PRKDC: variants seen among roughly 807,000 people sequenced by gnomAD.
PRKDC encodes the protein DNA-dependent protein kinase catalytic subunit.
A neutral mutation model predicts 486.9 loss-of-function variants in PRKDC; 82 were observed. That is an observed-to-expected ratio of 0.17 (90% confidence interval 0.14 to 0.20). PRKDC has a LOEUF of 0.20. Ranked by LOEUF, PRKDC falls within the 10% of genes least tolerant of loss-of-function variation. The pLI is 1.00. For missense variants in PRKDC, 4,504 were observed against 5,038.2 expected, an observed-to-expected ratio of 0.89 and a Z score of 3.21; for synonymous variants, 1,895 against 1,837.0, an observed-to-expected ratio of 1.03 and a Z score of -0.81.
At chr8:47,810,047 C>T (rs1268124554) in intron 68 of PRKDC, among the ~76,000 whole-genome samples, 1 of 152,216 alleles carries the variant, frequency 6.6e-6, no homozygotes, top group Admixed American at 6.5e-5. Flanking sequence ...ACCCACCAGG[C>T]TCAGGCTGCC....
At chr8:47,939,789 T>C in intron 10 of PRKDC, 92 bp from the exon 11 acceptor site, 3 of 1,098,460 alleles carry the variant, frequency 2.7e-6, no homozygotes, top group Non-Finnish European at 3.8e-6. Context: ...TAGATGCTAC[T>C]AATGTACTGT....
intron 54 of PRKDC, 121 bp downstream of exon 54, chr8:47,849,033 T>G: frequency 7.7e-7 from 1 of 1,298,276 alleles, no homozygotes; most frequent in Non-Finnish European, 1.1e-6. Flanking sequence ...CTTCAGAGAT[T>G]CCAACTTCAC....
chr8:47,832,185 A>G (rs1373116268), intron 59 of PRKDC, among the ~76,000 whole-genome samples: 1 of 152,150 alleles, frequency 6.6e-6, no homozygotes, highest in Admixed American at 6.5e-5. Flanking sequence ...CCCCCGCCCA[A>G]CTCGCCTGGC....
In PRKDC at chr8:47,777,711, A is replaced by G; in HGVS notation, c.12017T>C (p.Val4006Ala). 1 of 1,593,134 alleles carries G rather than the reference A, an allele frequency of 6.3e-7. No homozygotes were observed. Among genetic ancestry groups the G allele is most frequent in the Non-Finnish European group, 8.6e-7 (1 of 1,165,600 alleles). Residue 4006 changes from valine to alanine, a missense_variant, in exon 84 of 86, where the codon GTC becomes GCC. Transcript: ENST00000314191. ...TTTCCAATCAAAGGAGGGCTCCTTG[A>G]CAAACACATCCATGGTGTTGGTGAG... Reference protein sequence around the residue: ...GLLTNTMDVFVKEPSFDWKNF... With the variant: ...GLLTNTMDVFAKEPSFDWKNF...
At chr8:47,803,158 TCTCTGG>T in intron 70 of PRKDC, 142 bp downstream of exon 70, 1 of 734,058 alleles carries the variant, frequency 1.4e-6, no homozygotes, top group Non-Finnish European at 2.1e-6. Flanking sequence ...AAACTATCAT[TCTCTGG>T]CTCACTTTGC....
chr8:47,934,715 C>T (rs1008033768), intron 14 of PRKDC, among the ~76,000 whole-genome samples: 13 of 152,108 alleles, frequency 8.5e-5, no homozygotes, highest in African/African-American at 2.7e-4. Flanking sequence ...TTTCTGGGAA[C>T]TAAGATATGC....
At chr8:47,945,388 G>A (rs2090515697) in intron 7 of PRKDC, among the ~76,000 whole-genome samples, 1 of 152,126 alleles carries the variant, frequency 6.6e-6, no homozygotes, top group Non-Finnish European at 1.5e-5. Flanking sequence ...ACAGAAGGGT[G>A]CCCATCAAAC....
chr8:47,873,227 C>CAAAAA (rs60385860), intron 40 of PRKDC, among the ~76,000 whole-genome samples: 9 of 71,062 alleles, frequency 1.3e-4, no homozygotes, highest in Non-Finnish European at 2.3e-4. Flanking sequence ...GACTCCATCT[C>CAAAAA]AAAAAAAAAA....
rs982083802 is a variant in PRKDC, at chr8:47,826,771, T to C, written c.8668A>G (p.Ile2890Val). 5 of 1,612,074 alleles carry C rather than the reference T, an allele frequency of 3.1e-6. No individual in the cohort carries two copies. The highest frequency in any genetic ancestry group is 4.2e-6 in the Non-Finnish European group (5 of 1,179,360). Residue 2890 changes from isoleucine (I) to valine (V), a missense_variant, in exon 63 of 86, where the codon ATC becomes GTC. By Grantham distance (29) the Ile-to-Val change is conservative. Coordinates refer to ENST00000314191, the MANE Select transcript of PRKDC (RefSeq NM_006904.7). ...AGCAGAGCCTCCTCTAGCAGGCGGA[T>C]GCCCACGGGCTGCTGTAGGCTGGCC... ...CLASLQQPVG[I>V]RLLEEALLRL...
intron 33 of PRKDC, 126 bp from the exon 34 acceptor site, chr8:47,888,776 A>C: frequency 7.5e-7 from 1 of 1,336,390 alleles, no homozygotes; most frequent in Non-Finnish European, 1.0e-6. Context: ...ATCCACACGC[A>C]CTAAGCTAGC....
rs1450201641 is a variant in PRKDC, at chr8:47,904,884, T to C, written c.3027A>G (p.Leu1009=). Residue 1009 remains leucine (L), a synonymous_variant, in exon 26 of 86, where the codon TTA becomes TTG. Coordinates refer to ENST00000314191, the MANE Select transcript of PRKDC (RefSeq NM_006904.7). ...KKFESQDTVA[L]LEAILDGIVD... ...TATTACTTACCAATATAGCTTCTAG[T>C]AAGGCAACAGTATCCTGACTTTCAA... 1.2e-6 allele frequency: 2 copies of C among 1,605,536 alleles called. No homozygotes were observed. The highest frequency in any genetic ancestry group is 3.3e-5 in the Admixed American group (2 of 59,728).
intron 40 of PRKDC, among the ~76,000 whole-genome samples, chr8:47,870,012 G>A (rs533716760): frequency 8.5e-5 from 13 of 152,236 alleles, no homozygotes; most frequent in Non-Finnish European, 1.6e-4. Flanking sequence ...CAGCTCAACT[G>A]CAGTGGAATA....
chr8:47,860,723 A>C (rs566648673), intron 45 of PRKDC, among the ~76,000 whole-genome samples, 176 bp downstream of exon 45: 1 of 152,262 alleles, frequency 6.6e-6, no homozygotes, highest in African/African-American at 2.4e-5. Flanking sequence ...CTTTCAAAAT[A>C]TAATTCCATT....
intron 54 of PRKDC, among the ~76,000 whole-genome samples, chr8:47,844,706 C>A (rs997471386): frequency 3.3e-5 from 5 of 151,940 alleles, no homozygotes; most frequent in Non-Finnish European, 5.9e-5. Flanking sequence ...GACCACAGTA[C>A]AATAAAAATA....
chr8:47,903,560 C>T (rs2089723767), intron 26 of PRKDC, among the ~76,000 whole-genome samples: 3 of 152,304 alleles, frequency 2.0e-5, no homozygotes, highest in South Asian at 4.1e-4. Context: ...CTTTTCAGAG[C>T]AGAGGTCACC....
chr8:47,947,037 T>C (rs766660008), intron 7 of PRKDC, among the ~76,000 whole-genome samples: 1 of 152,148 alleles, frequency 6.6e-6, no homozygotes, highest in South Asian at 2.1e-4. Context: ...ACACCAACCC[T>C]GCGTCCTTCC....
chr8:47,832,008 CA>C (rs984126992), intron 59 of PRKDC, 82 bp from the exon 60 acceptor site: 1 of 1,315,608 alleles, frequency 7.6e-7, no homozygotes, highest in Non-Finnish European at 1.1e-6. Flanking sequence ...CGGGTTTCCT[CA>C]AAGACAAAAC....
At chr8:47,957,039 G>A in intron 3 of PRKDC, 132 bp downstream of exon 3, 4 of 442,574 alleles carry the variant, frequency 9.0e-6, no homozygotes, top group East Asian at 4.0e-5. Context: ...ACACAATGAA[G>A]CAGAAATAAG....
intron 54 of PRKDC, among the ~76,000 whole-genome samples, chr8:47,848,564 T>G (rs2154500166): frequency 6.6e-6 from 1 of 151,866 alleles, no homozygotes; most frequent in Middle Eastern, 3.4e-3. Context: ...CAGATTCATC[T>G]GTACACCAAA....
Sources: gnomAD v4.1 joint callset for allele counts (sites outside exome capture counted in the v4.1 genomes callset) on GRCh38, gnomAD v4.1.1 for gene constraint, MANE v1.5 for transcripts, NCBI Gene and HGNC (gene_info 2026-07-23, HGNC 2026-07-21) for gene names.